Variants in SLCO1A2 observed in about 807,000 individuals in gnomAD.
SLCO1A2 encodes the protein OATP-1.
In SLCO1A2, 67 loss-of-function variants were observed where a neutral mutation model predicts 69.0. The ratio of observed to expected loss-of-function variants is 0.97; its 90% CI spans 0.80 to 1.19. The LOEUF (loss-of-function observed/expected upper bound fraction) is 1.19. Among genes scored for constraint, SLCO1A2 ranks in the 50% most tolerant of loss-of-function variants. SLCO1A2 has a pLI of 0.00. For missense variants in SLCO1A2, 787 were observed against 793.7 expected (o/e 0.99, Z 0.10); for synonymous variants, 260 against 265.9 (o/e 0.98, Z 0.22).
At chr12:21,376,550 C>T (rs1192074409) in intron 1 of SLCO1A2, among the ~76,000 whole-genome samples, 1 of 151,886 alleles carries the variant, frequency 6.6e-6, no homozygotes, top group Non-Finnish European at 1.5e-5. Context: ...TTTCTTTGCC[C>T]AGATAATTTG....
upstream of SLCO1A2, among the ~76,000 whole-genome samples, chr12:21,396,543 G>A (rs1329318346): frequency 6.6e-6 from 1 of 150,788 alleles, no homozygotes; most frequent in Non-Finnish European, 1.5e-5. Flanking sequence ...TACTCCTCGA[G>A]AAGAGCAACT....
At chr12:21,299,890 GTATATA>G (rs35059155) in intron 8 of SLCO1A2, among the ~76,000 whole-genome samples, 4 of 141,248 alleles carry the variant, frequency 2.8e-5, no homozygotes, top group Admixed American at 1.4e-4. Context: ...ATATATACGT[GTATATA>G]TATATATACG....
intron 4 of SLCO1A2, among the ~76,000 whole-genome samples, chr12:21,309,810 A>T (rs1427748473): frequency 6.6e-6 from 1 of 152,218 alleles, no homozygotes; most frequent in Non-Finnish European, 1.5e-5. Flanking sequence ...ATGAGAGAAA[A>T]TTCCAAGGAA....
chr12:21,322,472 G>A (rs893056001), intron 2 of SLCO1A2, among the ~76,000 whole-genome samples: 6 of 152,170 alleles, frequency 3.9e-5, no homozygotes, highest in South Asian at 2.1e-4. Context: ...AGGACAACCC[G>A]AAGCAGGGGG....
intron 1 of SLCO1A2, chr12:21,378,610 T>C (rs1294462614): frequency 1.1e-5 from 6 of 533,542 alleles, no homozygotes; most frequent in Non-Finnish European, 2.0e-5. Context: ...AATAAAAAGA[T>C]AGTATCTTTT....
intron 10 of SLCO1A2, chr12:21,295,328 C>A: frequency 3.2e-6 from 1 of 311,072 alleles, no homozygotes; most frequent in East Asian, 7.2e-5. Context: ...AATGTCTACT[C>A]GGATATCACA....
intron 1 of SLCO1A2, among the ~76,000 whole-genome samples, chr12:21,389,506 G>T (rs1389027803): frequency 6.6e-6 from 1 of 151,988 alleles, no homozygotes; most frequent in African/African-American, 2.4e-5. Context: ...GTTAACAAAT[G>T]ATCAATGTCC....
At chr12:21,324,196 T>G (rs1420470451) in intron 2 of SLCO1A2, among the ~76,000 whole-genome samples, 1 of 152,244 alleles carries the variant, frequency 6.6e-6, no homozygotes, top group African/African-American at 2.4e-5. Context: ...AGGATTATTA[T>G]AGCCAAGAAA....
At chr12:21,412,238 G>A (rs1941918573) in intron 1 of SLCO1A2, among the ~76,000 whole-genome samples, 1 of 151,956 alleles carries the variant, frequency 6.6e-6, no homozygotes, top group South Asian at 2.1e-4. Context: ...AAAATTAGCT[G>A]GGCATGGTGG....
At chr12:21,345,102 C>T (rs113089793) in intron 2 of SLCO1A2, among the ~76,000 whole-genome samples, 2 of 152,038 alleles carry the variant, frequency 1.3e-5, no homozygotes, top group African/African-American at 2.4e-5. Context: ...TTTTAATCTT[C>T]AAGCATTGGA....
At chr12:21,404,799 G>A (rs1241094470) in intron 1 of SLCO1A2, among the ~76,000 whole-genome samples, 1 of 152,150 alleles carries the variant, frequency 6.6e-6, no homozygotes, top group Non-Finnish European at 1.5e-5. Flanking sequence ...CTAGATCTTT[G>A]AGGAATTATC....
In SLCO1A2 at chr12:21,300,549, T is replaced by A. The variant is rs1280201149; in HGVS notation, c.709A>T (p.Thr237Ser). ...CATGCACCGACCCAACGAGTGTCAGTGGGAGTTATGATCAGATCATCTGTA... is the reference window on the plus strand; with the variant it reads ...CATGCACCGACCCAACGAGTGTCAGAGGGAGTTATGATCAGATCATCTGTA... ...VNTDDLIITP[T>S]DTRWVGAWWF... Residue 237 changes from threonine (T) to serine (S), a missense_variant, in exon 8 of 15, where the codon ACT becomes TCT. Transcript: ENST00000683939. 1.2e-6 allele frequency: 2 copies of A among 1,612,048 alleles called. No homozygotes were observed. Among genetic ancestry groups the A allele is most frequent in the Non-Finnish European group, 8.5e-7 (1 of 1,179,106 alleles).
intron 12 of SLCO1A2, among the ~76,000 whole-genome samples, chr12:21,278,586 C>G (rs1477670979): frequency 6.6e-6 from 1 of 152,162 alleles, no homozygotes; most frequent in Non-Finnish European, 1.5e-5. Context: ...ACAAGAATCT[C>G]TGCCTGGTAA....
chr12:21,345,474 T>A (rs1953223216), intron 2 of SLCO1A2, among the ~76,000 whole-genome samples: 1 of 152,090 alleles, frequency 6.6e-6, no homozygotes, highest in Non-Finnish European at 1.5e-5. Flanking sequence ...AGACAGTAAC[T>A]CTGCTCATTC....
At chr12:21,321,561 G>A (rs2136833405) in intron 2 of SLCO1A2, among the ~76,000 whole-genome samples, 1 of 152,240 alleles carries the variant, frequency 6.6e-6, no homozygotes, top group East Asian at 1.9e-4. Flanking sequence ...TTTTTAAGAT[G>A]GTAAACAAAG....
At chr12:21,374,489 G>C (rs1321816944) in exon 2 of SLCO1A2, 2 of 152,046 alleles carry the variant, frequency 1.3e-5, no homozygotes, top group Non-Finnish European at 1.5e-5. Flanking sequence ...AGTTTTTCTT[G>C]GAAGCCCATA....
chr12:21,357,119 C>T (rs1938429969), intron 2 of SLCO1A2, among the ~76,000 whole-genome samples: 1 of 152,140 alleles, frequency 6.6e-6, no homozygotes. Flanking sequence ...ATGGGTTGAA[C>T]TGTGTCCCTG....
chr12:21,307,251 T>A (rs953327063), intron 4 of SLCO1A2, among the ~76,000 whole-genome samples: 6 of 152,216 alleles, frequency 3.9e-5, no homozygotes, highest in African/African-American at 1.4e-4. Context: ...AATATCAACT[T>A]TCTTTGATTT....
chr12:21,378,640 A>G, intron 1 of SLCO1A2: 1 of 496,732 alleles, frequency 2.0e-6, no homozygotes, highest in South Asian at 3.3e-5. Flanking sequence ...TGTTTTTGCT[A>G]TAGATTTGTA....
Sources: gnomAD v4.1 joint callset for allele counts (sites outside exome capture counted in the v4.1 genomes callset) on GRCh38, gnomAD v4.1.1 for gene constraint, MANE v1.5 for transcripts, NCBI Gene and HGNC (gene_info 2026-07-23, HGNC 2026-07-21) for gene names.